CEP43: variants seen among roughly 807,000 people sequenced by gnomAD.
CEP43 encodes the protein FGFR1 oncogene partner.
Under a neutral mutation model 52.6 loss-of-function variants are expected in CEP43, and 36 were observed. That is an observed-to-expected ratio of 0.68 (90% confidence interval 0.52 to 0.90). The LOEUF is 0.90. Among genes scored for constraint, CEP43 ranks in the 40% least tolerant of loss-of-function variants. CEP43 has a pLI of 0.00. For synonymous variants in CEP43, 192 were observed against 172.4 expected, an observed-to-expected ratio of 1.11 and a Z score of -0.89; for missense variants, 506 against 472.8, an observed-to-expected ratio of 1.07 and a Z score of -0.65.
rs866764016 is a variant in CEP43 at position 167,050,804 on chromosome 6, A to T, written c.*10826A>T. On this transcript the variant is annotated 3_prime_UTR_variant, in exon 13 of 13. Coordinates refer to ENST00000366847, the MANE Select transcript of CEP43 (RefSeq NM_007045.4). ...AAGAAAAAAAAAAAAAAAAAAAAAA[A>T]GAAAGAAAATGAGACATTGGATTTG... 1 of 143,224 alleles carries T rather than the reference A, an allele frequency of 7.0e-6. No homozygotes were observed. 8.9% of individuals were successfully genotyped at this position (143,224 alleles called of 1,614,324 possible).
intron 7 of CEP43, among the ~76,000 whole-genome samples, chr6:167,017,146 C>T (rs1238775036): frequency 1.3e-5 from 2 of 151,754 alleles, no homozygotes; most frequent in African/African-American, 2.4e-5. Context: ...CAGGCGCCCA[C>T]CACCAAGCCC....
intron 5 of CEP43, 100 bp downstream of exon 5, chr6:167,004,501 T>G: frequency 1.0e-6 from 1 of 993,842 alleles, no homozygotes; most frequent in Non-Finnish European, 1.4e-6. Flanking sequence ...GTTTTCATAC[T>G]AGAAGATATT....
At chr6:167,015,651 A>C (rs1396078046) in intron 7 of CEP43, among the ~76,000 whole-genome samples, 1 of 152,180 alleles carries the variant, frequency 6.6e-6, no homozygotes, top group Non-Finnish European at 1.5e-5. Flanking sequence ...ACTGATCAGG[A>C]GTGTCGCATG....
Position 167,043,975 on chromosome 6 carries a change from G to A in CEP43, c.*3997G>A, listed in dbSNP as rs1172397096. The A allele has an allele frequency of 1.3e-5, 2 of 152,192 alleles. No individual in the cohort carries two copies. Among genetic ancestry groups the A allele is most frequent in the African/African-American group, 4.8e-5 (2 of 41,442 alleles). The allele number at this position is 152,192 out of a possible 1,614,324, so 9.4% of individuals were successfully genotyped here. ...TAGGATGGAATTAGGTAGGGCCTCT[G>A]GAAGTTGATGAGATCATTAGCGCCC... On this transcript the variant is annotated 3_prime_UTR_variant, in exon 13 of 13. Transcript: ENST00000366847.
At chr6:166,999,864 G>A in intron 1 of CEP43, 196 bp from the exon 2 acceptor site, 1 of 578,426 alleles carries the variant, frequency 1.7e-6, no homozygotes, top group Non-Finnish European at 3.1e-6. Flanking sequence ...GATCCGCGGC[G>A]GGAAAGCAGC....
intron 7 of CEP43, among the ~76,000 whole-genome samples, chr6:167,017,305 C>A (rs992365313): frequency 3.3e-5 from 5 of 152,048 alleles, no homozygotes; most frequent in Non-Finnish European, 7.4e-5. Flanking sequence ...AATAATGATA[C>A]AAATTTTAAA....
intron 5 of CEP43, among the ~76,000 whole-genome samples, chr6:167,006,834 C>G (rs1314283704): frequency 6.6e-6 from 1 of 152,176 alleles, no homozygotes; most frequent in African/African-American, 2.4e-5. Flanking sequence ...TATCCTAGCT[C>G]CAGACTAGAA....
At chr6:167,020,666 T>C (rs552179926) in intron 7 of CEP43, among the ~76,000 whole-genome samples, 1 of 152,306 alleles carries the variant, frequency 6.6e-6, no homozygotes, top group African/African-American at 2.4e-5. Flanking sequence ...CCCAGCACTT[T>C]GGGAGGCCGA....
rs751580169 is a variant in CEP43 at position 167,033,925 on chromosome 6, A to G, written c.1079A>G (p.Glu360Gly). The G allele has an allele frequency of 5.0e-6, 8 of 1,603,114 alleles. No individual in the cohort carries two copies. Among genetic ancestry groups the G allele is most frequent in the Non-Finnish European group, 6.8e-6 (8 of 1,172,554 alleles). The change falls in exon 12 of 13, where the codon GAA becomes GGA. Residue 360 changes from glutamate to glycine, a missense_variant. Physicochemically the swap from Glu to Gly is moderately conservative, Grantham distance 98. Transcript: ENST00000366847. Reference sequence around the variant, plus strand: ...GAGATAAGTATTGGTGAAGAGATAGAAGAAGACCTTTCTGTGGAAATAGAT... The same window carrying G: ...GAGATAAGTATTGGTGAAGAGATAGGAGAAGACCTTTCTGTGGAAATAGAT... Reference protein sequence around the residue: ...KSEISIGEEIEEDLSVEIDDI... With the variant: ...KSEISIGEEIGEDLSVEIDDI...
chr6:167,035,007 G>A (rs1381019939), intron 12 of CEP43, among the ~76,000 whole-genome samples: 1 of 152,138 alleles, frequency 6.6e-6, no homozygotes, highest in Non-Finnish European at 1.5e-5. Flanking sequence ...TTAAATATGA[G>A]GGAGAGGACT....
Position 167,034,634 on chromosome 6 carries a change from T to A in CEP43, c.1125+663T>A, listed in dbSNP as rs546561436. Among the ~76,000 whole-genome samples, 4 of 152,246 alleles carry A rather than the reference T, an allele frequency of 2.6e-5. No homozygotes were observed. The South Asian group carries it at 8.3e-4, about 32-fold the overall frequency. Reference sequence around the variant, plus strand: ...CTTGCTTTCCAGAACATGGTGGGATTCTCCAAGCGCTGTGATTGTCACACA... The same window carrying A: ...CTTGCTTTCCAGAACATGGTGGGATACTCCAAGCGCTGTGATTGTCACACA... On this transcript the variant is annotated intron_variant, in intron 12 of 12. Transcript: ENST00000366847.
rs1056953436 is a variant in CEP43, at chr6:167,044,393, CTTTATG to C, written c.*4420_*4425del. The C allele has an allele frequency of 1.2e-4, 114 of 985,206 alleles. 1 individual carries two copies. In the African/African-American group the frequency reaches 1.5e-3, roughly 13 times the overall value. The allele number at this position is 985,206 out of a possible 1,614,324, so 61.0% of individuals were successfully genotyped here. ...AGCTCAAAGGCAATTTCAAAGAAAT[CTTTATG>C]TTTAGCAAGAAGACCAAGATGACAA... is the stretch of plus-strand genomic sequence containing the variant. On this transcript the variant is annotated 3_prime_UTR_variant, in exon 13 of 13. Coordinates refer to ENST00000366847, the MANE Select transcript of CEP43 (RefSeq NM_007045.4).
rs111635691 is a variant in CEP43, at chr6:167,040,051, A to G, written c.*73A>G. ...GTTCCATTTTTTTTTTTTCCAGACA[A>G]TCACTCAGCTGGAATGTCTGCTCTC... On this transcript the variant is annotated 3_prime_UTR_variant, in exon 13 of 13. Transcript: ENST00000366847. The G allele has an allele frequency of 1.9e-5, 30 of 1,611,566 alleles. No homozygotes were observed. The highest frequency in any genetic ancestry group is 2.2e-5 in the Non-Finnish European group (26 of 1,178,446).
At chr6:167,030,265 C>T (rs1165030124) in intron 10 of CEP43, among the ~76,000 whole-genome samples, 1 of 152,244 alleles carries the variant, frequency 6.6e-6, no homozygotes, top group Non-Finnish European at 1.5e-5. Flanking sequence ...GTGTCCACCT[C>T]TGCTCTCCTC....
chr6:167,005,616 A>C (rs56393252), intron 5 of CEP43, among the ~76,000 whole-genome samples: 15,732 of 152,190 alleles, frequency 0.1, 1,157 homozygotes, highest in African/African-American at 0.2. Context: ...GCTCACCCAG[A>C]GCGCAGGTTG....
chr6:167,015,971 A>G (rs1780088677), intron 7 of CEP43, among the ~76,000 whole-genome samples: 1 of 152,048 alleles, frequency 6.6e-6, no homozygotes, highest in Non-Finnish European at 1.5e-5. Flanking sequence ...AATAATTTTG[A>G]AATATATATT....
In CEP43 at chr6:167,045,467, C is replaced by T. The variant is rs1273660228; in HGVS notation, c.*5489C>T. 4 of 151,646 alleles carry T rather than the reference C, an allele frequency of 2.6e-5. No individual in the cohort carries two copies. The highest frequency in any genetic ancestry group is 4.8e-5 in the African/African-American group (2 of 41,356). The allele number at this position is 151,646 out of a possible 1,614,324, so 9.4% of individuals were successfully genotyped here. A position where few individuals can be genotyped will look rare whatever the true frequency, so the allele number is the denominator to read the frequency against. The stretch of plus-strand genomic sequence containing the variant: ...CAATTTTGGGCCGGGCACGGTGGCT[C>T]ACGCCTGTAATCCCAGCACTTTGGG... On this transcript the variant is annotated 3_prime_UTR_variant, in exon 13 of 13. Coordinates refer to ENST00000366847, the MANE Select transcript of CEP43 (RefSeq NM_007045.4).
chr6:167,032,254 G>A (rs1471991503), intron 10 of CEP43, among the ~76,000 whole-genome samples: 3 of 152,216 alleles, frequency 2.0e-5, no homozygotes, highest in Non-Finnish European at 2.9e-5. Context: ...AAAACGCTCA[G>A]TAGTTCATCT....
intron 3 of CEP43, 108 bp from the exon 4 acceptor site, chr6:167,003,615 A>T (rs1021891150): frequency 1.5e-5 from 10 of 668,300 alleles, no homozygotes; most frequent in Non-Finnish European, 2.5e-5. Flanking sequence ...AACTTAAAAA[A>T]TTTAGAAACC....
Sources: allele counts gnomAD v4.1 joint callset (sites outside exome capture counted in the v4.1 genomes callset), GRCh38; gene constraint gnomAD v4.1.1; transcripts MANE v1.5; gene names NCBI Gene and HGNC (gene_info 2026-07-23, HGNC 2026-07-21).